The following NKAIN2 variants were observed in gnomAD, a reference collection of about 807,000 sequenced individuals.
NKAIN2 encodes sodium/potassium transporting ATPase interacting 2.
A neutral mutation model predicts 32.6 loss-of-function variants in NKAIN2; 14 were observed. The ratio of observed to expected loss-of-function variants is 0.43; its 90% confidence interval spans 0.28 to 0.67. NKAIN2 has a LOEUF of 0.67. Among genes scored for constraint, NKAIN2 ranks in the 30% least tolerant of loss-of-function variants. The pLI, the probability that NKAIN2 is intolerant of heterozygous loss-of-function variation, is 0.17. For missense variants in NKAIN2, 198 were observed against 258.3 expected, an observed-to-expected ratio of 0.77 and a Z score of 1.60; for synonymous variants, 80 against 87.2, an observed-to-expected ratio of 0.92 and a Z score of 0.46.
intron 4 of NKAIN2, among the ~76,000 whole-genome samples, chr6:124,758,492 A>G (rs1162468730): frequency 6.6e-6 from 1 of 152,146 alleles, no homozygotes; most frequent in Non-Finnish European, 1.5e-5. Flanking sequence ...ACTGTGAGAA[A>G]TAAGTGTCTG....
intron 1 of NKAIN2, among the ~76,000 whole-genome samples, chr6:124,083,174 A>C (rs1188506425): frequency 1.3e-5 from 2 of 151,940 alleles, no homozygotes; most frequent in Admixed American, 6.6e-5. Flanking sequence ...AATTCAAATA[A>C]AATTCAGATT....
chr6:124,100,513 G>A (rs576266016), intron 1 of NKAIN2, among the ~76,000 whole-genome samples: 1 of 152,280 alleles, frequency 6.6e-6, no homozygotes, highest in East Asian at 1.9e-4. Context: ...ATATTCCACA[G>A]CAAATAGAAT....
chr6:124,708,841 G>A (rs1250158649), intron 4 of NKAIN2, among the ~76,000 whole-genome samples: 1 of 144,354 alleles, frequency 6.9e-6, no homozygotes, highest in African/African-American at 2.6e-5. Flanking sequence ...TCCTTCTCCT[G>A]CCTAATTGCC....
intron 1 of NKAIN2, among the ~76,000 whole-genome samples, chr6:124,226,743 A>G (rs1792132887): frequency 6.6e-6 from 1 of 152,162 alleles, no homozygotes; most frequent in Non-Finnish European, 1.5e-5. Flanking sequence ...TGACCACAAG[A>G]ATGTGCAGTG....
chr6:123,843,302 G>A (rs1774953452), intron 1 of NKAIN2, among the ~76,000 whole-genome samples: 1 of 152,160 alleles, frequency 6.6e-6, no homozygotes. Context: ...AGCAATGGCA[G>A]TGACTCTTAA....
intron 4 of NKAIN2, among the ~76,000 whole-genome samples, chr6:124,787,989 A>G (rs1779577535): frequency 6.6e-6 from 1 of 152,082 alleles, no homozygotes; most frequent in Non-Finnish European, 1.5e-5. Context: ...GGTGTTTGAG[A>G]GGATTAATGG....
At chr6:124,247,507 T>A (rs1793472570) in intron 1 of NKAIN2, among the ~76,000 whole-genome samples, 3 of 152,138 alleles carry the variant, frequency 2.0e-5, no homozygotes, top group African/African-American at 7.2e-5. Context: ...CAGATCTATA[T>A]GATATTGGTA....
chr6:124,184,440 A>T (rs1405845997), intron 1 of NKAIN2, among the ~76,000 whole-genome samples: 2 of 152,116 alleles, frequency 1.3e-5, no homozygotes, highest in African/African-American at 4.8e-5. Context: ...TGTAATGTTT[A>T]TGTCATTCTG....
At chr6:124,751,806 C>T in intron 4 of NKAIN2, among the ~76,000 whole-genome samples, 1 of 128,622 alleles carries the variant, frequency 7.8e-6, no homozygotes, top group Non-Finnish European at 1.6e-5. Flanking sequence ...TAGTGAGACC[C>T]CATCTCAATA....
intron 1 of NKAIN2, among the ~76,000 whole-genome samples, chr6:124,058,534 A>G (rs1282415845): frequency 3.3e-5 from 5 of 151,964 alleles, no homozygotes; most frequent in Non-Finnish European, 5.9e-5. Context: ...ATTAGTAGGC[A>G]CCTCATAGGC....
At chr6:124,347,392 A>G (rs529955017) in intron 2 of NKAIN2, among the ~76,000 whole-genome samples, 179 of 152,110 alleles carry the variant, frequency 1.2e-3, no homozygotes, top group African/African-American at 4.2e-3. Context: ...GCCTTGCTAG[A>G]TTGGGGAAGT....
intron 1 of NKAIN2, among the ~76,000 whole-genome samples, chr6:124,084,702 A>G (rs1784116450): frequency 6.6e-6 from 1 of 152,068 alleles, no homozygotes; most frequent in Non-Finnish European, 1.5e-5. Context: ...CAAGTCTTAG[A>G]GATCAAATGC....
At chr6:123,833,244 C>A (rs892744112) in intron 1 of NKAIN2, among the ~76,000 whole-genome samples, 4 of 152,036 alleles carry the variant, frequency 2.6e-5, no homozygotes, top group Non-Finnish European at 5.9e-5. Context: ...TATCAAAAAT[C>A]ATTGACTATA....
intron 4 of NKAIN2, among the ~76,000 whole-genome samples, chr6:124,681,647 T>C (rs563197607): frequency 7.9e-5 from 12 of 152,200 alleles, no homozygotes; most frequent in African/African-American, 2.6e-4. Flanking sequence ...TGCCAAAGTA[T>C]ATGCATAGTG....
intron 2 of NKAIN2, among the ~76,000 whole-genome samples, chr6:124,333,632 C>T (rs1196604173): frequency 1.3e-5 from 2 of 151,496 alleles, no homozygotes; most frequent in Non-Finnish European, 2.9e-5. Flanking sequence ...TGCACTCCGG[C>T]CTAGGTGACA....
chr6:123,907,199 T>C (rs1004964829), intron 1 of NKAIN2, among the ~76,000 whole-genome samples: 2 of 152,116 alleles, frequency 1.3e-5, no homozygotes, highest in Non-Finnish European at 2.9e-5. Context: ...ACAAAATTCA[T>C]AGGAAAAAAA....
At chr6:124,681,520 T>TA (rs1339497799) in intron 4 of NKAIN2, among the ~76,000 whole-genome samples, 2 of 152,086 alleles carry the variant, frequency 1.3e-5, no homozygotes, top group Non-Finnish European at 2.9e-5. Context: ...TCTTGTTACT[T>TA]AATTGCTATT....
chr6:124,781,117 C>G (rs1472482527), intron 4 of NKAIN2, among the ~76,000 whole-genome samples: 1 of 152,092 alleles, frequency 6.6e-6, no homozygotes, highest in East Asian at 1.9e-4. Context: ...TGAATTCACT[C>G]TGATTATTAG....
At chr6:123,962,138 A>G (rs1463165907) in intron 1 of NKAIN2, among the ~76,000 whole-genome samples, 1 of 152,190 alleles carries the variant, frequency 6.6e-6, no homozygotes, top group Admixed American at 6.5e-5. Context: ...TATTTCTCCA[A>G]ATGAAAACCT....
Sources: gnomAD v4.1 joint callset for allele counts (sites outside exome capture counted in the v4.1 genomes callset) on GRCh38, gnomAD v4.1.1 for gene constraint, MANE v1.5 for transcripts, NCBI Gene and HGNC (gene_info 2026-07-23, HGNC 2026-07-21) for gene names.